The following EID1 variants were observed in gnomAD, a reference collection of about 807,000 sequenced individuals.
EID1 encodes the protein EP300 interacting inhibitor of differentiation 1.
EID1 carries 3 observed loss-of-function variants against 13.7 expected under a neutral mutation model. The observed-to-expected ratio is 0.22, with a 90% CI of 0.10 to 0.57. The LOEUF (loss-of-function observed/expected upper bound fraction) is 0.57. Ranked by LOEUF, EID1 falls within the 20% of genes least tolerant of loss-of-function variation. The pLI, the probability that EID1 is intolerant of heterozygous loss-of-function variation, is 0.92. For synonymous variants in EID1, 105 were observed against 97.6 expected, an observed-to-expected ratio of 1.08 and a Z score of -0.44; for missense variants, 261 against 247.6, an observed-to-expected ratio of 1.05 and a Z score of -0.36.
chr15:48,878,427 A>C lies in EID1; in HGVS notation c.251A>C (p.Gln84Pro). The C allele has an allele frequency of 1.2e-6, 2 of 1,612,602 alleles. No homozygotes were observed. The highest frequency in any genetic ancestry group is 1.7e-6 in the Non-Finnish European group (2 of 1,179,228). Residue 84 changes from glutamine to proline, a missense_variant, in exon 1 of 1, where the codon CAG (glutamine) becomes CCG (proline). Coordinates refer to ENST00000530028, the MANE Select transcript of EID1 (RefSeq NM_014335.3). The part of the protein sequence containing the change: ...SLANGPNAGE[Q>P]PGQVAGADFE... ...GCTAACGGGCCCAACGCTGGGGAGC[A>C]GCCAGGCCAGGTGGCGGGCGCAGAC...
chr15:48,878,971 C>G lies in EID1; in HGVS notation c.*231C>G, dbSNP rs762360913. 91 of 444,254 alleles carry G rather than the reference C, an allele frequency of 2.0e-4. No homozygotes were observed. Among genetic ancestry groups the G allele is most frequent in the Middle Eastern group, 6.1e-4 (1 of 1,642 alleles). The allele number at this position is 444,254 out of a possible 1,614,324, so 27.5% of individuals were successfully genotyped here. ...GACCGTTGAAATCAATTATCAAGAA[C>G]GTCCTAAAACACCTATGGCTTTGAC... On this transcript the variant is annotated 3_prime_UTR_variant, in exon 1 of 1. Transcript: ENST00000530028.
Position 48,878,874 on chromosome 15 carries a change from C to A in EID1, c.*134C>A. ...AAAAAATTTGTTTTTCAGAATAGAA[C>A]ACAATAGGACAGTGACTGCACAGTT... On this transcript the variant is annotated 3_prime_UTR_variant, in exon 1 of 1. Transcript: ENST00000530028. 4.2e-6 allele frequency: 3 copies of A among 711,910 alleles called. No individual in the cohort carries two copies. The highest frequency in any genetic ancestry group is 2.0e-5 in the South Asian group (1 of 50,152). The allele number at this position is 711,910 out of a possible 1,614,324, so 44.1% of individuals were successfully genotyped here.
Position 48,878,455 on chromosome 15 carries a change from C to G in EID1, c.279C>G (p.Phe93Leu). 6.2e-7 allele frequency: 1 copy of G among 1,613,368 alleles called. No homozygotes were observed. The highest frequency in any genetic ancestry group is 8.5e-7 in the Non-Finnish European group (1 of 1,179,610). The change falls in exon 1 of 1, where the codon TTC becomes TTG. Residue 93 changes from phenylalanine to leucine, a missense_variant. Physicochemically the swap from Phe to Leu is conservative, Grantham distance 22. This residue lies in a region of EID1 where 244 missense variants were observed against 210.8 expected (regional missense o/e 1.16). Coordinates refer to ENST00000530028, the MANE Select transcript of EID1 (RefSeq NM_014335.3). Reference sequence around the variant, plus strand: ...CAGGCCAGGTGGCGGGCGCAGACTTCGAGAGCGAGGACGAGGGCGAGGAAT... The same window carrying G: ...CAGGCCAGGTGGCGGGCGCAGACTTGGAGAGCGAGGACGAGGGCGAGGAAT... ...EQPGQVAGAD[F>L]ESEDEGEEFD...
Position 48,878,531 on chromosome 15 carries a change from G to A in EID1, c.355G>A (p.Gly119Ser), listed in dbSNP as rs1204958881. ...YDYPEEEQLS[G>S]AGYRVSAALE... ...CTATCCCGAAGAGGAGCAGCTCAGT[G>A]GTGCCGGCTACAGAGTATCAGCCGC... is the stretch of plus-strand genomic sequence containing the variant. Residue 119 changes from glycine (G) to serine (S), a missense_variant, in exon 1 of 1, where the codon GGT becomes AGT. Coordinates refer to ENST00000530028, the MANE Select transcript of EID1 (RefSeq NM_014335.3). 2 of 1,613,970 alleles carry A rather than the reference G, an allele frequency of 1.2e-6. No homozygotes were observed. The highest frequency in any genetic ancestry group is 8.5e-7 in the Non-Finnish European group (1 of 1,179,914).
At position 48,878,144 on chromosome 15, in the gene EID1, A is replaced by G; in HGVS notation, c.-33A>G. 1 of 1,518,870 alleles carries G rather than the reference A, an allele frequency of 6.6e-7. No homozygotes were observed. Among genetic ancestry groups the G allele is most frequent in the Non-Finnish European group, 8.8e-7 (1 of 1,131,924 alleles). 94.1% of individuals were successfully genotyped at this position (1,518,870 alleles called of 1,614,324 possible). A position where few individuals can be genotyped will look rare whatever the true frequency, so the allele number is the denominator to read the frequency against. ...GGCCGCGCAGCATCTGTCTTGCTGG[A>G]AGCTTTTTCCTAGAGGTTGAGCGGT... On this transcript the variant is annotated 5_prime_UTR_variant, in exon 1 of 1. Coordinates refer to ENST00000530028, the MANE Select transcript of EID1 (RefSeq NM_014335.3).
Position 48,879,371 on chromosome 15 carries a change from A to G in EID1, c.*631A>G, listed in dbSNP as rs1305797050. 6.0e-6 allele frequency: 1 copy of G among 167,126 alleles called. No individual in the cohort carries two copies. Among genetic ancestry groups the G allele is most frequent in the African/African-American group, 2.4e-5 (1 of 41,464 alleles). 10.4% of individuals were successfully genotyped at this position (167,126 alleles called of 1,614,324 possible). ...TTTTGTTTGTACATGTATCTTGATC[A>G]TTTATAAAGCCACTGTGATCTATAA... On this transcript the variant is annotated 3_prime_UTR_variant, in exon 1 of 1. Transcript: ENST00000530028.
Position 48,878,804 on chromosome 15 carries a change from G to A in EID1, c.*64G>A. On this transcript the variant is annotated 3_prime_UTR_variant, in exon 1 of 1. Transcript: ENST00000530028. ...GGACCCAACTTTCCGCTATCTTTTG[G>A]GTTCATTCCAAATAGTTTTGTGCCA... The A allele has an allele frequency of 6.8e-7, 1 of 1,469,192 alleles. No individual in the cohort carries two copies. The highest frequency in any genetic ancestry group is 2.3e-5 in the Admixed American group (1 of 42,934). The allele number at this position is 1,469,192 out of a possible 1,614,324, so 91.0% of individuals were successfully genotyped here. A position where few individuals can be genotyped will look rare whatever the true frequency, so the allele number is the denominator to read the frequency against.
rs766945593 is a variant in EID1, at chr15:48,878,167, G to A, written c.-10G>A. Reference sequence around the variant, plus strand: ...GGAAGCTTTTTCCTAGAGGTTGAGCGGTTTGCACAATGTCGGAAATGGCTG... The same window carrying A: ...GGAAGCTTTTTCCTAGAGGTTGAGCAGTTTGCACAATGTCGGAAATGGCTG... On this transcript the variant is annotated 5_prime_UTR_variant, in exon 1 of 1. Coordinates refer to ENST00000530028, the MANE Select transcript of EID1 (RefSeq NM_014335.3). The A allele has an allele frequency of 6.5e-7, 1 of 1,542,160 alleles. No individual in the cohort carries two copies. Among genetic ancestry groups the A allele is most frequent in the Non-Finnish European group, 8.8e-7 (1 of 1,141,040 alleles).
chr15:48,878,517 AGG>A lies in EID1; in HGVS notation c.342_343del (p.Glu115AlafsTer14). The stretch of plus-strand genomic sequence containing the variant: ...GAGGACGACTACGACTATCCCGAAG[AGG>A]AGCAGCTCAGTGGTGCCGGCTACAG... On this transcript the variant is annotated frameshift_variant, in exon 1 of 1. Coordinates refer to ENST00000530028, the MANE Select transcript of EID1 (RefSeq NM_014335.3). LOFTEE classifies it high-confidence loss of function. 1 of 1,614,074 alleles carries A rather than the reference AGG, an allele frequency of 6.2e-7. No homozygotes were observed. The highest frequency in any genetic ancestry group is 8.5e-7 in the Non-Finnish European group (1 of 1,179,896).
chr15:48,878,902 GA>G lies in EID1; in HGVS notation c.*167del. 1.9e-6 allele frequency: 1 copy of G among 540,156 alleles called. No homozygotes were observed. Among genetic ancestry groups the G allele is most frequent in the Non-Finnish European group, 3.3e-6 (1 of 304,282 alleles). 33.5% of individuals were successfully genotyped at this position (540,156 alleles called of 1,614,324 possible). Reference sequence around the variant, plus strand: ...AATAGGACAGTGACTGCACAGTTGTGAAAAAGGAAGAGAATCATTAAAGAAA... The same window carrying G: ...AATAGGACAGTGACTGCACAGTTGTGAAAAGGAAGAGAATCATTAAAGAAA... On this transcript the variant is annotated 3_prime_UTR_variant, in exon 1 of 1. Coordinates refer to ENST00000530028, the MANE Select transcript of EID1 (RefSeq NM_014335.3).
chr15:48,878,257 C>T lies in EID1; in HGVS notation c.81C>T (p.Asp27=). The T allele has an allele frequency of 6.2e-7, 1 of 1,612,710 alleles. No homozygotes were observed. The highest frequency in any genetic ancestry group is 8.5e-7 in the Non-Finnish European group (1 of 1,179,182). The change falls in exon 1 of 1, where the codon GAC becomes GAT. Residue 27 remains aspartate, a synonymous_variant. Transcript: ENST00000530028. ...LQMDVMPGEG[D]LPQMEVGSGS... is the part of the protein sequence containing the mutation. ...TGGATGTGATGCCTGGCGAGGGTGA[C>T]CTTCCGCAGATGGAGGTAGGCAGCG...
rs1451970259 is a variant in EID1 at position 48,879,167 on chromosome 15, T to A, written c.*427T>A. 1 of 172,128 alleles carries A rather than the reference T, an allele frequency of 5.8e-6. No homozygotes were observed. The highest frequency in any genetic ancestry group is 1.4e-5 in the Non-Finnish European group (1 of 71,128). 10.7% of individuals were successfully genotyped at this position (172,128 alleles called of 1,614,324 possible). ...AAAAAATGTATCCAACTAGGACACATATCTTTTGAGTTATTTGGACTGAAA... is the reference window on the plus strand; with the variant it reads ...AAAAAATGTATCCAACTAGGACACAAATCTTTTGAGTTATTTGGACTGAAA... On this transcript the variant is annotated 3_prime_UTR_variant, in exon 1 of 1. Coordinates refer to ENST00000530028, the MANE Select transcript of EID1 (RefSeq NM_014335.3).
rs1410368947 is a variant in EID1 at position 48,878,497 on chromosome 15, C to G, written c.321C>G (p.Asp107Glu). 3.7e-6 allele frequency: 6 copies of G among 1,613,970 alleles called. No homozygotes were observed. The highest frequency in any genetic ancestry group is 4.2e-6 in the Non-Finnish European group (5 of 1,179,856). The stretch of plus-strand genomic sequence containing the variant: ...GCGAGGAATTTGATGACTGGGAGGA[C>G]GACTACGACTATCCCGAAGAGGAGC... ...DEGEEFDDWEDDYDYPEEEQL... is the reference protein window; with the variant it reads ...DEGEEFDDWEEDYDYPEEEQL... The change falls in exon 1 of 1, where the codon GAC (aspartate) becomes GAG (glutamate). Residue 107 changes from aspartate to glutamate, a missense_variant. Around this residue, in one of 2 missense-constraint regions of EID1, gnomAD observed 244 missense variants for 210.8 expected, o/e 1.16. Coordinates refer to ENST00000530028, the MANE Select transcript of EID1 (RefSeq NM_014335.3).
rs1197367111 is a variant in EID1 at position 48,880,090 on chromosome 15, A to G, written c.*1350A>G. The G allele has an allele frequency of 1.8e-5, 3 of 167,126 alleles. No homozygotes were observed. The highest frequency in any genetic ancestry group is 4.8e-5 in the African/African-American group (2 of 41,468). The allele number at this position is 167,126 out of a possible 1,614,324, so 10.4% of individuals were successfully genotyped here. The stretch of plus-strand genomic sequence containing the variant: ...AGGCTAGGTTCAGCAAAATAAGTGT[A>G]TCAGCAGGTTTTATCATGATCAGTA... On this transcript the variant is annotated 3_prime_UTR_variant, in exon 1 of 1. Transcript: ENST00000530028.
Position 48,878,499 on chromosome 15 carries a change from A to T in EID1, c.323A>T (p.Asp108Val), listed in dbSNP as rs1287590414. 7.4e-6 allele frequency: 12 copies of T among 1,614,046 alleles called. No homozygotes were observed. The highest frequency in any genetic ancestry group is 1.0e-5 in the Non-Finnish European group (12 of 1,179,892). The change falls in exon 1 of 1, where the codon GAC (aspartate) becomes GTC (valine). Residue 108 changes from aspartate to valine, a missense_variant. Coordinates refer to ENST00000530028, the MANE Select transcript of EID1 (RefSeq NM_014335.3). ...EGEEFDDWED[D>V]YDYPEEEQLS... ...GAGGAATTTGATGACTGGGAGGACG[A>T]CTACGACTATCCCGAAGAGGAGCAG...
In EID1 at chr15:48,878,338, G is replaced by A; in HGVS notation, c.162G>A (p.Glu54=). The part of the protein sequence containing the change: ...PSRSGAQQLE[E]EGPMEEEEAQ... ...GCAGCGGGGCCCAACAGCTCGAGGA[G>A]GAAGGCCCAATGGAGGAGGAGGAGG... The change falls in exon 1 of 1, where the codon GAG becomes GAA. Residue 54 remains glutamate, a synonymous_variant. Coordinates refer to ENST00000530028, the MANE Select transcript of EID1 (RefSeq NM_014335.3). The A allele has an allele frequency of 6.2e-7, 1 of 1,613,584 alleles. No individual in the cohort carries two copies. The highest frequency in any genetic ancestry group is 8.5e-7 in the Non-Finnish European group (1 of 1,179,592).
Position 48,879,917 on chromosome 15 carries a change from A to G in EID1, c.*1177A>G, listed in dbSNP as rs1298959869. The stretch of plus-strand genomic sequence containing the variant: ...TCCAGCTTCAGCTATCTAATTCACA[A>G]ATTAATTTCTGGAAATTAAACTTTG... On this transcript the variant is annotated 3_prime_UTR_variant, in exon 1 of 1. Coordinates refer to ENST00000530028, the MANE Select transcript of EID1 (RefSeq NM_014335.3). The G allele has an allele frequency of 6.0e-6, 1 of 167,118 alleles. No individual in the cohort carries two copies. Among genetic ancestry groups the G allele is most frequent in the Non-Finnish European group, 1.5e-5 (1 of 68,136 alleles). 10.4% of individuals were successfully genotyped at this position (167,118 alleles called of 1,614,324 possible). A position where few individuals can be genotyped will look rare whatever the true frequency, so the allele number is the denominator to read the frequency against.
Position 48,878,512 on chromosome 15 carries a change from C to G in EID1, c.336C>G (p.Pro112=). 1.2e-6 allele frequency: 2 copies of G among 1,614,018 alleles called. No homozygotes were observed. Among genetic ancestry groups the G allele is most frequent in the African/African-American group, 1.3e-5 (1 of 75,056 alleles). ...ACTGGGAGGACGACTACGACTATCC[C>G]GAAGAGGAGCAGCTCAGTGGTGCCG... The part of the protein sequence containing the change: ...FDDWEDDYDY[P]EEEQLSGAGY... The change falls in exon 1 of 1, where the codon CCC becomes CCG. Residue 112 remains proline, a synonymous_variant. Coordinates refer to ENST00000530028, the MANE Select transcript of EID1 (RefSeq NM_014335.3).
At position 48,878,328 on chromosome 15, in the gene EID1, A is replaced by G; in HGVS notation, c.152A>G (p.Gln51Arg). The part of the protein sequence containing the change: ...SLRPSRSGAQ[Q>R]LEEEGPMEEE... ...CGTCCCTCCCGCAGCGGGGCCCAAC[A>G]GCTCGAGGAGGAAGGCCCAATGGAG... The change falls in exon 1 of 1, where the codon CAG (glutamine) becomes CGG (arginine). Residue 51 changes from glutamine (Q) to arginine (R), a missense_variant. Physicochemically the swap from Gln to Arg is conservative, Grantham distance 43. Coordinates refer to ENST00000530028, the MANE Select transcript of EID1 (RefSeq NM_014335.3). The G allele has an allele frequency of 6.2e-7, 1 of 1,613,608 alleles. No individual in the cohort carries two copies. The highest frequency in any genetic ancestry group is 8.5e-7 in the Non-Finnish European group (1 of 1,179,588).
Sources: gnomAD v4.1 joint callset for allele counts on GRCh38, gnomAD v4.1.1 for gene constraint, gnomAD v4.1.1 regional missense constraint, MANE v1.5 for transcripts, NCBI Gene and HGNC (gene_info 2026-07-23, HGNC 2026-07-21) for gene names.